Variants in UBXN2B observed in about 807,000 individuals in gnomAD.
UBXN2B encodes UBX domain protein 2B, also known as UBX domain-containing protein 2B.
UBXN2B carries 19 observed loss-of-function variants against 37.5 expected under a neutral mutation model. The ratio of observed to expected loss-of-function variants is 0.51; its 90% CI spans 0.35 to 0.74. The LOEUF (loss-of-function observed/expected upper bound fraction) is 0.74, where lower values mean the gene tolerates loss of function less well. UBXN2B is among the 30% of genes least tolerant of loss of function. The probability of loss-of-function intolerance (pLI) is 0.01; values close to 1 mark genes in which losing one functional copy is unlikely to be tolerated. For synonymous variants in UBXN2B, 145 were observed against 143.8 expected, an observed-to-expected ratio of 1.01 and a Z score of -0.06; for missense variants, 370 against 393.2, an observed-to-expected ratio of 0.94 and a Z score of 0.50.
In UBXN2B at chr8:58,435,614, A is replaced by G. The variant is rs117875276; in HGVS notation, c.533+1110A>G. 4.1e-3 allele frequency among the ~76,000 whole-genome samples: 628 copies of G among 152,334 alleles called. 3 individuals carry two copies. Among genetic ancestry groups the G allele is most frequent in the Non-Finnish European group, 6.0e-3 (410 of 68,036 alleles). Reference sequence around the variant, plus strand: ...AACCAACATAACTGTAGAAATTGATACTAATTTCAAGATAGTGGAAACAAA... The same window carrying G: ...AACCAACATAACTGTAGAAATTGATGCTAATTTCAAGATAGTGGAAACAAA... On this transcript the variant is annotated intron_variant, in intron 5 of 7. Transcript: ENST00000399598.
At chr8:58,433,870 A>G (rs1808347552) in intron 4 of UBXN2B, among the ~76,000 whole-genome samples, 1 of 152,212 alleles carries the variant, frequency 6.6e-6, no homozygotes, top group Admixed American at 6.5e-5. Context: ...TGAGGTGTAA[A>G]TGAAGAACAC....
intron 2 of UBXN2B, among the ~76,000 whole-genome samples, chr8:58,422,182 A>C (rs1204525144): frequency 1.3e-5 from 2 of 152,238 alleles, no homozygotes; most frequent in African/African-American, 4.8e-5. Flanking sequence ...CATTTCCCTA[A>C]TAAGGGAATA....
intron 2 of UBXN2B, chr8:58,426,368 G>A (rs1187660961): frequency 2.0e-5 from 10 of 493,202 alleles, no homozygotes; most frequent in East Asian, 7.7e-5. Context: ...CACCATGCCC[G>A]GCTAATTTTT....
intron 3 of UBXN2B, 64 bp downstream of exon 3, chr8:58,430,733 A>G (rs1451492757): frequency 5.7e-6 from 7 of 1,225,972 alleles, no homozygotes; most frequent in Admixed American, 3.5e-5. Context: ...TCATTTTTCT[A>G]TTATTTGCAA....
Position 58,439,534 on chromosome 8 carries a change from G to A in UBXN2B, c.534-99G>A, listed in dbSNP as rs1328263035. 2.1e-6 allele frequency: 3 copies of A among 1,416,636 alleles called. No homozygotes were observed. In the African/African-American group the frequency reaches 4.4e-5, roughly 21 times the overall value. The allele number at this position is 1,416,636 out of a possible 1,614,324, so 87.8% of individuals were successfully genotyped here. On this transcript the variant is annotated intron_variant, in intron 5 of 7. Coordinates refer to ENST00000399598, the MANE Select transcript of UBXN2B (RefSeq NM_001077619.2). ...TGTTATAATTTAAGCAAAAAATTCT[G>A]TTTTCCAGTGTAGCTCATGAAATAA...
chr8:58,424,978 C>T (rs950088980), intron 2 of UBXN2B: 29 of 793,532 alleles, frequency 3.7e-5, no homozygotes, highest in East Asian at 1.2e-4. Flanking sequence ...TGTCCCTGTC[C>T]GGCCAATTCC....
intron 1 of UBXN2B, among the ~76,000 whole-genome samples, chr8:58,412,099 CG>C (rs1643173191): frequency 6.6e-6 from 1 of 152,138 alleles, no homozygotes; most frequent in Non-Finnish European, 1.5e-5. Flanking sequence ...CACCAAATCC[CG>C]TTTTATCAGA....
intron 1 of UBXN2B, among the ~76,000 whole-genome samples, chr8:58,414,955 T>C (rs551350332): frequency 2.6e-5 from 4 of 152,268 alleles, no homozygotes; most frequent in African/African-American, 9.6e-5. Context: ...AAAAAGTGTT[T>C]AACAAATATA....
intron 2 of UBXN2B, among the ~76,000 whole-genome samples, chr8:58,417,387 C>T (rs1342746580): frequency 6.6e-6 from 1 of 152,180 alleles, no homozygotes; most frequent in African/African-American, 2.4e-5. Context: ...CTTGAAGCCA[C>T]TCCATGGAGC....
intron 2 of UBXN2B, among the ~76,000 whole-genome samples, chr8:58,427,828 T>C (rs935480982): frequency 6.6e-6 from 1 of 152,180 alleles, no homozygotes; most frequent in Admixed American, 6.5e-5. Flanking sequence ...TGGATAAATA[T>C]TTTGATGATG....
intron 2 of UBXN2B, among the ~76,000 whole-genome samples, chr8:58,419,524 C>T (rs978848407): frequency 6.6e-6 from 1 of 152,184 alleles, no homozygotes; most frequent in African/African-American, 2.4e-5. Flanking sequence ...CCTGTTTTGA[C>T]ATATTCATCC....
At chr8:58,424,564 G>A (rs748698412) in intron 2 of UBXN2B, 4 of 1,008,970 alleles carry the variant, frequency 4.0e-6, no homozygotes, top group Non-Finnish European at 6.3e-6. Flanking sequence ...ATCTATTTTT[G>A]TGCTGAAGTT....
Position 58,434,515 on chromosome 8 carries a change from T to C in UBXN2B, c.533+11T>C, listed in dbSNP as rs1808364383. The stretch of plus-strand genomic sequence containing the variant: ...GTCTGTTAAGAGAGGGTAAGATGTA[T>C]TATTTGTATTCTATTTGTTATGTAG... On this transcript the variant is annotated intron_variant, in intron 5 of 7. Coordinates refer to ENST00000399598, the MANE Select transcript of UBXN2B (RefSeq NM_001077619.2). The C allele has an allele frequency of 2.0e-6, 3 of 1,508,358 alleles. No homozygotes were observed. The African/African-American group carries it at 4.2e-5, about 21-fold the overall frequency. 93.4% of individuals were successfully genotyped at this position (1,508,358 alleles called of 1,614,324 possible).
Position 58,447,833 on chromosome 8 carries a change from A to G in UBXN2B, c.*282A>G, listed in dbSNP as rs1284819909. ...GTTACATGCTTAGTGTTAATGTAAC[A>G]ACATTTGTTTGCAGAGAAAAATGAA... On this transcript the variant is annotated 3_prime_UTR_variant, in exon 8 of 8. Coordinates refer to ENST00000399598, the MANE Select transcript of UBXN2B (RefSeq NM_001077619.2). 5.5e-5 allele frequency: 13 copies of G among 237,764 alleles called. No individual in the cohort carries two copies. Among genetic ancestry groups the G allele is most frequent in the African/African-American group, 2.9e-4 (13 of 44,670 alleles). The allele number at this position is 237,764 out of a possible 1,614,324, so 14.7% of individuals were successfully genotyped here.
At chr8:58,444,334 CTAAT>C (rs1337491406) in intron 6 of UBXN2B, among the ~76,000 whole-genome samples, 2 of 152,116 alleles carry the variant, frequency 1.3e-5, no homozygotes, top group East Asian at 3.9e-4. Flanking sequence ...CTTATGTGTC[CTAAT>C]TAATTTAATC....
At chr8:58,420,000 C>T (rs1807885402) in intron 2 of UBXN2B, among the ~76,000 whole-genome samples, 1 of 152,174 alleles carries the variant, frequency 6.6e-6, no homozygotes, top group Non-Finnish European at 1.5e-5. Flanking sequence ...AATTATGTAG[C>T]CAGTTGCGGA....
intron 5 of UBXN2B, among the ~76,000 whole-genome samples, chr8:58,435,550 G>A (rs1236620106): frequency 2.6e-5 from 4 of 152,102 alleles, no homozygotes; most frequent in Non-Finnish European, 5.9e-5. Context: ...GAAGAGCTGC[G>A]AGCAACTAGG....
intron 2 of UBXN2B, among the ~76,000 whole-genome samples, chr8:58,417,354 C>T (rs946900075): frequency 3.1e-4 from 47 of 152,134 alleles, no homozygotes; most frequent in African/African-American, 9.4e-4. Flanking sequence ...GTTTGTCATT[C>T]GTTTTTAAGG....
chr8:58,411,361 A>T lies in UBXN2B; in HGVS notation c.-25A>T. ...CGGAAGTTGCGGCAGGTGCGTCCGC[A>T]GCGGGCGCCGCTAGCCAGCGGAAGA... On this transcript the variant is annotated 5_prime_UTR_variant, in exon 1 of 8. Coordinates refer to ENST00000399598, the MANE Select transcript of UBXN2B (RefSeq NM_001077619.2). The T allele has an allele frequency of 7.9e-7, 1 of 1,268,372 alleles. No individual in the cohort carries two copies. Among genetic ancestry groups the T allele is most frequent in the Non-Finnish European group, 1.0e-6 (1 of 1,004,312 alleles). 78.6% of individuals were successfully genotyped at this position (1,268,372 alleles called of 1,614,324 possible).
Sources: allele counts gnomAD v4.1 joint callset (sites outside exome capture counted in the v4.1 genomes callset), GRCh38; gene constraint gnomAD v4.1.1; transcripts MANE v1.5; gene names NCBI Gene and HGNC (gene_info 2026-07-23, HGNC 2026-07-21).